The following OPHN1 variants were observed in gnomAD, a reference collection of about 807,000 sequenced individuals.
OPHN1 encodes the protein oligophrenin 1, also known as oligophrenin-1.
In OPHN1, 11 loss-of-function variants were observed where a neutral mutation model predicts 60.7. That is an observed-to-expected ratio of 0.18 (90% CI 0.11 to 0.30). The LOEUF (loss-of-function observed/expected upper bound fraction) is 0.30, where lower values mean the gene tolerates loss of function less well. Ranked by LOEUF, OPHN1 falls within the 10% of genes least tolerant of loss-of-function variation. The probability of loss-of-function intolerance (pLI) is 1.00; values close to 1 mark genes in which losing one functional copy is unlikely to be tolerated. For synonymous variants in OPHN1, 226 were observed against 222.6 expected, an observed-to-expected ratio of 1.02 and a Z score of -0.14; for missense variants, 449 against 611.0, an observed-to-expected ratio of 0.73 and a Z score of 2.80.
intron 15 of OPHN1, among the ~76,000 whole-genome samples, chrX:68,182,379 GAGAGAGAC>G (rs1240625307): frequency 9.3e-6 from 1 of 107,456 alleles, no homozygotes; most frequent in African/African-American, 3.4e-5. Flanking sequence ...AGGATAATGA[GAGAGAGAC>G]AGAGAGAAAG....
intron 2 of OPHN1, among the ~76,000 whole-genome samples, chrX:68,340,973 C>G (rs1243810708): frequency 1.9e-5 from 2 of 105,883 alleles, no homozygotes; most frequent in African/African-American, 3.5e-5. Context: ...ACACTCCAGC[C>G]TGGGCAACGA....
At chrX:68,131,408 G>T (rs1264858035) in intron 15 of OPHN1, among the ~76,000 whole-genome samples, 1 of 109,576 alleles carries the variant, frequency 9.1e-6, no homozygotes, top group Non-Finnish European at 1.9e-5. Context: ...TGGAGACGGG[G>T]TTTCACCATG....
intron 19 of OPHN1, among the ~76,000 whole-genome samples, chrX:68,087,848 G>A (rs1354358574): frequency 9.0e-6 from 1 of 111,670 alleles, no homozygotes; most frequent in Non-Finnish European, 1.9e-5. Flanking sequence ...AACAAAGGTG[G>A]CAAAGGGTCA....
At chrX:68,258,636 G>A (rs1412976329) in intron 5 of OPHN1, among the ~76,000 whole-genome samples, 12 of 109,210 alleles carry the variant, frequency 1.1e-4, no homozygotes, top group African/African-American at 4.1e-4. Context: ...GTGTATATGT[G>A]CCACATTATT....
At chrX:68,212,078 C>T (rs1569244433) in intron 8 of OPHN1, 30 bp downstream of exon 8, 3 of 1,032,729 alleles carry the variant, frequency 2.9e-6, no homozygotes, top group Non-Finnish European at 4.1e-6. Context: ...AATGGAAAGA[C>T]CGGTGAGAAA....
intron 6 of OPHN1, among the ~76,000 whole-genome samples, chrX:68,232,880 G>T (rs1241663233): frequency 9.1e-6 from 1 of 110,016 alleles, no homozygotes. Context: ...GTTTATGGAA[G>T]GAAAGTAGTC....
intron 2 of OPHN1, among the ~76,000 whole-genome samples, chrX:68,432,205 C>A (rs964369118): frequency 9.0e-6 from 1 of 111,004 alleles, no homozygotes; most frequent in African/African-American, 3.3e-5. Context: ...GGGGGCTGGG[C>A]CCCTTGTGGC....
At chrX:68,236,720 C>T (rs1366364691) in intron 5 of OPHN1, among the ~76,000 whole-genome samples, 2 of 111,784 alleles carry the variant, frequency 1.8e-5, no homozygotes, top group African/African-American at 6.5e-5. Context: ...TAGCATGTAT[C>T]GGTACTCCAC....
chrX:68,360,699 CTTGAG>C (rs1481400213), intron 2 of OPHN1, among the ~76,000 whole-genome samples: 1 of 110,914 alleles, frequency 9.0e-6, no homozygotes, highest in African/African-American at 3.3e-5. Context: ...AGGAGGATGT[CTTGAG>C]CCCGGGAGGT....
intron 3 of OPHN1, among the ~76,000 whole-genome samples, chrX:68,294,279 G>A (rs933309854): frequency 2.8e-5 from 3 of 108,641 alleles, no homozygotes; most frequent in Non-Finnish European, 5.7e-5. Flanking sequence ...AAGACCAGCC[G>A]GGCCAACATG....
At chrX:68,407,985 T>C (rs892881649) in intron 2 of OPHN1, among the ~76,000 whole-genome samples, 3 of 112,429 alleles carry the variant, frequency 2.7e-5, no homozygotes, top group East Asian at 5.6e-4. Flanking sequence ...GGTGGTGTTG[T>C]TTAGAGACAA....
chrX:68,150,689 T>C (rs184927620), intron 15 of OPHN1, among the ~76,000 whole-genome samples: 54 of 111,557 alleles, frequency 4.8e-4, no homozygotes, highest in Middle Eastern at 9.3e-3. Flanking sequence ...GTAAAAAGAT[T>C]CTAGGACTTT....
chrX:68,287,312 A>C (rs2078048548), intron 3 of OPHN1, among the ~76,000 whole-genome samples: 1 of 99,683 alleles, frequency 1.0e-5, no homozygotes. Context: ...GAAAGGAAGA[A>C]GGAAGGAAGG....
intron 6 of OPHN1, among the ~76,000 whole-genome samples, chrX:68,228,279 C>A (rs1447287945): frequency 9.0e-6 from 1 of 111,333 alleles, no homozygotes; most frequent in Non-Finnish European, 1.9e-5. Context: ...GCCTACCAAC[C>A]AAAAAAAGTC....
chrX:68,079,636 G>A (rs1015805402), intron 19 of OPHN1, among the ~76,000 whole-genome samples: 3 of 111,458 alleles, frequency 2.7e-5, no homozygotes, highest in Non-Finnish European at 5.7e-5. Context: ...TTTCTCAACC[G>A]TGTCATCCAC....
intron 15 of OPHN1, among the ~76,000 whole-genome samples, chrX:68,139,723 A>G (rs759550354): frequency 8.9e-6 from 1 of 112,214 alleles, no homozygotes; most frequent in Non-Finnish European, 1.9e-5. Flanking sequence ...AAATTAATTA[A>G]ATTTACTAAA....
At chrX:68,110,098 A>T (rs1030067419) in intron 18 of OPHN1, among the ~76,000 whole-genome samples, 5 of 110,064 alleles carry the variant, frequency 4.5e-5, no homozygotes, top group Admixed American at 1.9e-4. Flanking sequence ...GGTACTGCCA[A>T]ATCCCCTCTT....
intron 9 of OPHN1, among the ~76,000 whole-genome samples, chrX:68,207,092 C>T (rs1366314182): frequency 9.1e-6 from 1 of 110,165 alleles, no homozygotes; most frequent in African/African-American, 3.3e-5. Context: ...TTTTTAACAC[C>T]GAATTAGTTA....
intron 15 of OPHN1, among the ~76,000 whole-genome samples, chrX:68,176,973 CATAT>C (rs59326514): frequency 2.8e-3 from 280 of 99,098 alleles, no homozygotes; most frequent in African/African-American, 9.5e-3. Flanking sequence ...TTTATATATA[CATAT>C]ATATATATAT....
Sources: gnomAD v4.1 joint callset for allele counts (sites outside exome capture counted in the v4.1 genomes callset) on GRCh38, gnomAD v4.1.1 for gene constraint, MANE v1.5 for transcripts, NCBI Gene and HGNC (gene_info 2026-07-23, HGNC 2026-07-21) for gene names.